CCDC178: variants seen among roughly 807,000 people sequenced by gnomAD.
The protein encoded by CCDC178 is coiled-coil domain-containing protein 178.
In CCDC178, 126 loss-of-function variants were observed where a neutral mutation model predicts 117.4. The ratio of observed to expected loss-of-function variants is 1.07; its 90% CI spans 0.93 to 1.24. The LOEUF is 1.24. CCDC178 is among the 50% of genes most tolerant of loss of function. The probability of loss-of-function intolerance (pLI) is 0.00; values close to 1 mark genes in which losing one functional copy is unlikely to be tolerated. For missense variants in CCDC178, 1,030 were observed against 986.9 expected (o/e 1.04, Z -0.59); for synonymous variants, 283 against 313.4 (o/e 0.90, Z 1.02).
At chr18:33,229,092 T>C (rs914763880) in intron 15 of CCDC178, among the ~76,000 whole-genome samples, 1 of 152,118 alleles carries the variant, frequency 6.6e-6, no homozygotes, top group African/African-American at 2.4e-5. Flanking sequence ...GGATACTTAT[T>C]AAGGAGCATA....
intron 11 of CCDC178, among the ~76,000 whole-genome samples, chr18:33,318,959 A>G (rs1392404028): frequency 2.0e-5 from 3 of 152,144 alleles, no homozygotes; most frequent in Non-Finnish European, 4.4e-5. Context: ...AAAAATTCTG[A>G]AAGTTTTTCA....
intron 21 of CCDC178, among the ~76,000 whole-genome samples, chr18:33,046,985 A>G (rs140509945): frequency 6.6e-6 from 1 of 152,322 alleles, no homozygotes; most frequent in Admixed American, 6.5e-5. Flanking sequence ...GACATTTATT[A>G]TGTATGGTAA....
chr18:33,098,398 G>A (rs1214511058), intron 20 of CCDC178, among the ~76,000 whole-genome samples: 1 of 151,994 alleles, frequency 6.6e-6, no homozygotes, highest in Non-Finnish European at 1.5e-5. Flanking sequence ...TATTGTAAGA[G>A]AGCTGTCATC....
chr18:33,299,502 A>AACAC (rs71159812), intron 11 of CCDC178, among the ~76,000 whole-genome samples: 106,363 of 145,998 alleles, frequency 0.73, 38,911 homozygotes, highest in South Asian at 0.84. Flanking sequence ...AACTAGTATA[A>AACAC]ACACACACAC....
chr18:33,042,375 A>G (rs1473299959), intron 21 of CCDC178, among the ~76,000 whole-genome samples: 1 of 151,962 alleles, frequency 6.6e-6, no homozygotes, highest in African/African-American at 2.4e-5. Context: ...CAGAGGGCAA[A>G]GAAGTAAGTC....
chr18:33,382,124 T>C (rs2063445298), intron 5 of CCDC178, among the ~76,000 whole-genome samples: 1 of 152,204 alleles, frequency 6.6e-6, no homozygotes, highest in South Asian at 2.1e-4. Context: ...GTAACTTATT[T>C]CAATTTAATC....
chr18:33,310,526 A>G (rs1478987118), intron 11 of CCDC178, among the ~76,000 whole-genome samples: 2 of 151,934 alleles, frequency 1.3e-5, no homozygotes, highest in African/African-American at 4.8e-5. Context: ...CATCGCTACA[A>G]GAAACAAAAA....
chr18:33,376,784 A>G (rs1459876221), intron 5 of CCDC178, among the ~76,000 whole-genome samples: 2 of 152,162 alleles, frequency 1.3e-5, no homozygotes, highest in Non-Finnish European at 2.9e-5. Flanking sequence ...ACTTGATTTC[A>G]TTCTTTTTTA....
intron 21 of CCDC178, among the ~76,000 whole-genome samples, chr18:33,016,399 T>C (rs1235734166): frequency 2.0e-5 from 3 of 151,164 alleles, no homozygotes; most frequent in Non-Finnish European, 3.0e-5. Context: ...CAGACTAAAA[T>C]GAAAAAATAT....
intron 2 of CCDC178, among the ~76,000 whole-genome samples, chr18:33,421,149 G>T (rs2064019438): frequency 1.3e-5 from 2 of 152,170 alleles, no homozygotes; most frequent in African/African-American, 4.8e-5. Flanking sequence ...AGGCATTGCT[G>T]ACAAATATGC....
At chr18:33,075,122 GC>G (rs1382003325) in intron 21 of CCDC178, among the ~76,000 whole-genome samples, 1 of 152,158 alleles carries the variant, frequency 6.6e-6, no homozygotes, top group East Asian at 1.9e-4. Context: ...TGGAGTAGAT[GC>G]AGGTACTTTG....
At chr18:33,410,411 G>A (rs566867605) in intron 3 of CCDC178, among the ~76,000 whole-genome samples, 27 of 152,174 alleles carry the variant, frequency 1.8e-4, no homozygotes, top group Admixed American at 7.9e-4. Flanking sequence ...TTTTGCTTAA[G>A]CTTTACAAAA....
intron 20 of CCDC178, among the ~76,000 whole-genome samples, chr18:33,154,221 C>T (rs1393103547): frequency 6.6e-6 from 1 of 151,988 alleles, no homozygotes; most frequent in Non-Finnish European, 1.5e-5. Flanking sequence ...AGAAGGAGAC[C>T]CCAGGGAGAG....
chr18:33,266,463 G>A (rs4572484), intron 14 of CCDC178, among the ~76,000 whole-genome samples: 137,704 of 151,860 alleles, frequency 0.91, 62,599 homozygotes, highest in East Asian at 1. Flanking sequence ...ATTTTTTAGT[G>A]TAAGAGGATA....
At chr18:33,120,843 G>C (rs1396037414) in intron 20 of CCDC178, among the ~76,000 whole-genome samples, 4 of 151,954 alleles carry the variant, frequency 2.6e-5, no homozygotes, top group Admixed American at 6.6e-5. Context: ...TAAGTTACAG[G>C]ATATTAAACA....
intron 21 of CCDC178, among the ~76,000 whole-genome samples, chr18:32,999,994 C>T (rs1025001620): frequency 6.6e-6 from 1 of 151,830 alleles, no homozygotes; most frequent in Non-Finnish European, 1.5e-5. Context: ...TAAGACCTCA[C>T]CAAATGAACT....
chr18:32,963,069 A>C (rs1048887403), intron 22 of CCDC178, among the ~76,000 whole-genome samples: 46 of 152,188 alleles, frequency 3.0e-4, no homozygotes, highest in African/African-American at 1.0e-3. Context: ...AGTAAAAAAC[A>C]CACAGGGAAT....
At chr18:33,240,307 A>C (rs1038228572) in intron 15 of CCDC178, among the ~76,000 whole-genome samples, 4 of 151,940 alleles carry the variant, frequency 2.6e-5, no homozygotes, top group African/African-American at 9.6e-5. Flanking sequence ...AAATGTAATG[A>C]TCTCAAGGAA....
intron 20 of CCDC178, among the ~76,000 whole-genome samples, chr18:33,188,333 T>A (rs271450): frequency 0.16 from 24,518 of 152,050 alleles, 2,759 homozygotes; most frequent in African/African-American, 0.32. Context: ...TTATTCAAAC[T>A]CTACTCTGGG....
Sources: gnomAD v4.1 joint callset for allele counts (sites outside exome capture counted in the v4.1 genomes callset) on GRCh38, gnomAD v4.1.1 for gene constraint, MANE v1.5 for transcripts, NCBI Gene and HGNC (gene_info 2026-07-23, HGNC 2026-07-21) for gene names.